Variants in LCORL observed in about 807,000 individuals in gnomAD.
The protein encoded by LCORL is ligand dependent nuclear receptor corepressor like, also known as ligand-dependent nuclear receptor corepressor-like protein.
Under a neutral mutation model 141.8 loss-of-function variants are expected in LCORL, and 41 were observed. That is an observed-to-expected ratio of 0.29 (90% CI 0.23 to 0.38). The LOEUF (loss-of-function observed/expected upper bound fraction) is 0.38, where lower values mean the gene tolerates loss of function less well. LCORL is among the 10% of genes least tolerant of loss of function. The pLI is 1.00. For missense variants in LCORL, 1,759 were observed against 2,035.0 expected, an observed-to-expected ratio of 0.86 and a Z score of 2.61; for synonymous variants, 618 against 694.1, an observed-to-expected ratio of 0.89 and a Z score of 1.72.
At chr4:17,920,886 C>A (rs1734186657) in intron 4 of LCORL, among the ~76,000 whole-genome samples, 1 of 152,208 alleles carries the variant, frequency 6.6e-6, no homozygotes. Context: ...CTTGCTGTTT[C>A]TACCACATCT....
intron 7 of LCORL, among the ~76,000 whole-genome samples, chr4:17,854,406 G>A (rs375838378): frequency 1.1e-4 from 16 of 152,266 alleles, no homozygotes; most frequent in Middle Eastern, 6.8e-3. Context: ...AAAGATATCC[G>A]TGTTTTCACT....
At chr4:17,872,211 AT>A (rs1726427128) in intron 7 of LCORL, among the ~76,000 whole-genome samples, 1 of 152,004 alleles carries the variant, frequency 6.6e-6, no homozygotes, top group African/African-American at 2.4e-5. Context: ...AAGTACTTCC[AT>A]ACTCCTCAAT....
chr4:17,910,741 A>G (rs1245292019), intron 4 of LCORL, among the ~76,000 whole-genome samples: 2 of 152,222 alleles, frequency 1.3e-5, no homozygotes, highest in Admixed American at 1.3e-4. Flanking sequence ...ACATGACTTA[A>G]GCTGATATAA....
intron 4 of LCORL, among the ~76,000 whole-genome samples, chr4:17,943,257 T>G (rs998996184): frequency 6.6e-6 from 1 of 152,170 alleles, no homozygotes; most frequent in East Asian, 1.9e-4. Context: ...CACTAAACCT[T>G]ACTCAACTAT....
intron 4 of LCORL, among the ~76,000 whole-genome samples, chr4:17,947,487 C>T (rs992888349): frequency 2.0e-5 from 3 of 151,592 alleles, no homozygotes; most frequent in African/African-American, 7.3e-5. Flanking sequence ...AGATTTATTG[C>T]ACAATGTGAT....
chr4:18,004,275 G>C (rs1484319580), intron 1 of LCORL, among the ~76,000 whole-genome samples: 1 of 152,126 alleles, frequency 6.6e-6, no homozygotes, highest in Non-Finnish European at 1.5e-5. Flanking sequence ...CATTGTACTA[G>C]CCCATTTTCA....
intron 4 of LCORL, among the ~76,000 whole-genome samples, chr4:17,930,545 T>C (rs1381991885): frequency 6.6e-6 from 1 of 152,236 alleles, no homozygotes; most frequent in East Asian, 1.9e-4. Context: ...TCAATTCCTG[T>C]TCTACTGAGT....
chr4:17,982,946 GTA>G (rs1718282160), intron 1 of LCORL, among the ~76,000 whole-genome samples: 1 of 152,142 alleles, frequency 6.6e-6, no homozygotes, highest in Non-Finnish European at 1.5e-5. Flanking sequence ...TTTGTATAAG[GTA>G]TAAGGAAGGG....
At position 17,895,043 on chromosome 4, in the gene LCORL, A is replaced by T. The variant is rs114434843; in HGVS notation, c.683-8882T>A. On this transcript the variant is annotated intron_variant, in intron 5 of 7. Coordinates refer to ENST00000635767, the Ensembl canonical transcript of LCORL. ...TATGTTTATATATATAATATATATA[A>T]AAAAAGTTTTATTGGTTTGAATTGA... is the stretch of plus-strand genomic sequence containing the variant. Among the ~76,000 whole-genome samples the T allele has an allele frequency of 8.1e-3, 1,164 of 143,786 alleles. 10 individuals carry two copies. Among genetic ancestry groups the T allele is most frequent in the African/African-American group, 0.027 (1,083 of 40,718 alleles). 94.3% of individuals were successfully genotyped at this position (143,786 alleles called of 152,430 possible). A position where few individuals can be genotyped will look rare whatever the true frequency, so the allele number is the denominator to read the frequency against.
chr4:17,998,983 AAAATATATATATATATATATACACACAT>A (rs1384919915), intron 1 of LCORL, among the ~76,000 whole-genome samples: 19 of 55,208 alleles, frequency 3.4e-4, no homozygotes, highest in African/African-American at 1.2e-3. Flanking sequence ...AAAAAAAAAA[AAAATATATATATATATATATACACACAT>A]ATATATATAT....
chr4:17,986,077 G>A (rs575726855), intron 1 of LCORL, among the ~76,000 whole-genome samples: 2 of 152,174 alleles, frequency 1.3e-5, no homozygotes, highest in African/African-American at 4.8e-5. Flanking sequence ...TAAGAATGTT[G>A]AGTATAAGCT....
intron 7 of LCORL, 27 bp downstream of exon 7, chr4:17,873,361 T>C: frequency 1.6e-6 from 2 of 1,227,306 alleles, no homozygotes; most frequent in African/African-American, 1.6e-5. Flanking sequence ...ACAATGAAAC[T>C]TTAAAATTAA....
chr4:17,983,911 A>G (rs1718467888), intron 1 of LCORL, among the ~76,000 whole-genome samples: 1 of 152,144 alleles, frequency 6.6e-6, no homozygotes, highest in Non-Finnish European at 1.5e-5. Context: ...AGTTTGTCAT[A>G]TGTGGCTCTT....
intron 1 of LCORL, among the ~76,000 whole-genome samples, chr4:17,976,851 C>T (rs985962676): frequency 6.6e-6 from 1 of 152,094 alleles, no homozygotes; most frequent in Non-Finnish European, 1.5e-5. Context: ...TTCCTCTGTA[C>T]TTCGTAATGT....
chr4:17,917,472 C>T (rs1287473208), intron 4 of LCORL, among the ~76,000 whole-genome samples: 1 of 152,252 alleles, frequency 6.6e-6, no homozygotes, highest in Non-Finnish European at 1.5e-5. Context: ...GGATTACAGG[C>T]ATGAGCCACT....
At chr4:17,901,499 A>G (rs1198878349) in intron 5 of LCORL, among the ~76,000 whole-genome samples, 1 of 152,146 alleles carries the variant, frequency 6.6e-6, no homozygotes, top group Non-Finnish European at 1.5e-5. Flanking sequence ...AGCAAAAGAG[A>G]TGATAATCAT....
chr4:17,891,109 CTA>C (rs937117388), intron 5 of LCORL, among the ~76,000 whole-genome samples: 9 of 152,154 alleles, frequency 5.9e-5, no homozygotes, highest in African/African-American at 2.2e-4. Context: ...GTTTAAAACT[CTA>C]TTTTTCTATA....
intron 1 of LCORL, among the ~76,000 whole-genome samples, chr4:17,973,790 T>C (rs1190026284): frequency 6.6e-6 from 1 of 151,920 alleles, no homozygotes; most frequent in Non-Finnish European, 1.5e-5. Context: ...TAAGATGCTT[T>C]TGAAAAACAT....
At chr4:17,927,738 C>G (rs1359529446) in intron 4 of LCORL, among the ~76,000 whole-genome samples, 1 of 152,190 alleles carries the variant, frequency 6.6e-6, no homozygotes, top group East Asian at 1.9e-4. Flanking sequence ...GGGAGTGGTT[C>G]GTGGTGCTCC....
Sources: allele counts gnomAD v4.1 joint callset (sites outside exome capture counted in the v4.1 genomes callset), GRCh38; gene constraint gnomAD v4.1.1; transcripts MANE v1.5; gene names NCBI Gene and HGNC (gene_info 2026-07-23, HGNC 2026-07-21).